HLF: variants seen among roughly 807,000 people sequenced by gnomAD.
HLF encodes hepatic leukemia factor.
Under a neutral mutation model 22.6 loss-of-function variants are expected in HLF, and 3 were observed. The observed-to-expected ratio is 0.13, with a 90% CI of 0.06 to 0.34. HLF has a LOEUF of 0.34. HLF is among the 10% of genes least tolerant of loss of function. HLF has a pLI of 1.00. For missense variants in HLF, 299 were observed against 389.2 expected, an observed-to-expected ratio of 0.77 and a Z score of 1.95; for synonymous variants, 151 against 151.8, an observed-to-expected ratio of 0.99 and a Z score of 0.04.
chr17:55,281,059 C>T (rs1456875794), intron 2 of HLF, among the ~76,000 whole-genome samples: 1 of 152,150 alleles, frequency 6.6e-6, no homozygotes, highest in Non-Finnish European at 1.5e-5. Context: ...ATGTTGTGCA[C>T]TGTACATGTG....
At chr17:55,277,268 T>C (rs1442741480) in intron 2 of HLF, among the ~76,000 whole-genome samples, 2 of 131,188 alleles carry the variant, frequency 1.5e-5, no homozygotes, top group African/African-American at 6.5e-5. Context: ...TGTGTGTGTG[T>C]GTGTGTGCGC....
intron 1 of HLF, 181 bp downstream of exon 1, chr17:55,265,780 C>T: frequency 7.6e-7 from 1 of 1,318,040 alleles, no homozygotes; most frequent in Non-Finnish European, 9.7e-7. Context: ...TCCTCCTCCT[C>T]CATGAAAGGG....
intron 2 of HLF, among the ~76,000 whole-genome samples, chr17:55,307,132 T>G (rs1904611883): frequency 6.9e-6 from 1 of 145,696 alleles, no homozygotes; most frequent in Admixed American, 7.0e-5. Context: ...GGTTGAATGG[T>G]CTCCTCTCAG....
At chr17:55,308,091 A>G (rs906818962) in intron 2 of HLF, among the ~76,000 whole-genome samples, 2 of 152,156 alleles carry the variant, frequency 1.3e-5, no homozygotes, top group African/African-American at 2.4e-5. Flanking sequence ...AGAGCCGTGG[A>G]TCTGATCATA....
chr17:55,317,350 G>A (rs1200027368), intron 3 of HLF, among the ~76,000 whole-genome samples: 1 of 152,182 alleles, frequency 6.6e-6, no homozygotes, highest in African/African-American at 2.4e-5. Context: ...ATGGAGGGTA[G>A]TTTGAAAGGA....
chr17:55,318,280 T>A (rs959346793), intron 3 of HLF, among the ~76,000 whole-genome samples: 3 of 152,144 alleles, frequency 2.0e-5, no homozygotes, highest in African/African-American at 7.2e-5. Context: ...GCTTTTCTAG[T>A]CCAGGACACT....
intron 2 of HLF, among the ~76,000 whole-genome samples, chr17:55,310,256 T>C (rs1235799875): frequency 6.6e-6 from 1 of 152,204 alleles, no homozygotes; most frequent in African/African-American, 2.4e-5. Context: ...AATGTTCCAG[T>C]AACTGCAGAG....
At chr17:55,306,600 T>C (rs935446410) in intron 2 of HLF, among the ~76,000 whole-genome samples, 18 of 143,558 alleles carry the variant, frequency 1.3e-4, no homozygotes, top group African/African-American at 4.0e-4. Context: ...GTATGCATGA[T>C]TTGTTTTTGC....
At position 55,324,919 on chromosome 17, in the gene HLF, A is replaced by G. The variant is rs1376687049; in HGVS notation, c.*4040A>G. ...TCCATTATCCTTTTGGCAACACCAC[A>G]AAGATCGCATCTGTTAAACAGGTAC... is the stretch of plus-strand genomic sequence containing the variant. On this transcript the variant is annotated 3_prime_UTR_variant, in exon 4 of 4. Transcript: ENST00000226067. 4.3e-6 allele frequency: 1 copy of G among 231,658 alleles called. No homozygotes were observed. Among genetic ancestry groups the G allele is most frequent in the African/African-American group, 2.2e-5 (1 of 45,228 alleles). The allele number at this position is 231,658 out of a possible 1,614,324, so 14.4% of individuals were successfully genotyped here.
intron 2 of HLF, among the ~76,000 whole-genome samples, chr17:55,302,490 GT>G (rs758475064): frequency 1.1e-3 from 164 of 152,182 alleles, no homozygotes; most frequent in Non-Finnish European, 2.1e-3. Context: ...CCTTTGTTTT[GT>G]TTCGTTTGGT....
chr17:55,282,710 G>A (rs1303554617), intron 2 of HLF, among the ~76,000 whole-genome samples: 1 of 152,118 alleles, frequency 6.6e-6, no homozygotes, highest in Non-Finnish European at 1.5e-5. Context: ...CTAGCTCTAC[G>A]ACTCTGTGTT....
intron 3 of HLF, among the ~76,000 whole-genome samples, chr17:55,317,472 A>G (rs1236020586): frequency 6.6e-6 from 1 of 152,242 alleles, no homozygotes; most frequent in Non-Finnish European, 1.5e-5. Flanking sequence ...CAAAGAGGCC[A>G]GACAAAAACC....
At chr17:55,282,867 A>G in intron 2 of HLF, among the ~76,000 whole-genome samples, 1 of 152,206 alleles carries the variant, frequency 6.6e-6, no homozygotes, top group East Asian at 1.9e-4. Flanking sequence ...CTCATAAAGG[A>G]TGACAGAGTT....
rs745422651 is a variant in HLF, at chr17:55,320,996, C to T, written c.*117C>T. On this transcript the variant is annotated 3_prime_UTR_variant, in exon 4 of 4. Transcript: ENST00000226067. The surrounding 1 kb of genome is among the most constrained non-coding windows in gnomAD (Gnocchi z 4.2). ...CACTTTACCAGAGGCATAAACACAA[C>T]TGACTCCCATTTTGGTGTGCATCTG... The T allele has an allele frequency of 1.7e-5, 13 of 753,624 alleles. No homozygotes were observed. The highest frequency in any genetic ancestry group is 2.7e-5 in the Non-Finnish European group (12 of 452,164). 46.7% of individuals were successfully genotyped at this position (753,624 alleles called of 1,614,324 possible).
At chr17:55,309,889 A>G (rs1365450382) in intron 2 of HLF, among the ~76,000 whole-genome samples, 1 of 152,244 alleles carries the variant, frequency 6.6e-6, no homozygotes, top group African/African-American at 2.4e-5. Flanking sequence ...TTTGATGCAG[A>G]CATCAATTTA....
intron 2 of HLF, among the ~76,000 whole-genome samples, chr17:55,307,758 A>G (rs1333326091): frequency 2.0e-5 from 3 of 151,514 alleles, no homozygotes; most frequent in East Asian, 1.9e-4. Flanking sequence ...TGGGGCTTAC[A>G]TGGGAGTGGA....
rs999057440 is a variant in HLF, at chr17:55,323,887, T to C, written c.*3008T>C. The C allele has an allele frequency of 4.4e-6, 1 of 229,104 alleles. No homozygotes were observed. Among genetic ancestry groups the C allele is most frequent in the East Asian group, 6.2e-5 (1 of 16,118 alleles). 14.2% of individuals were successfully genotyped at this position (229,104 alleles called of 1,614,324 possible). A position where few individuals can be genotyped will look rare whatever the true frequency, so the allele number is the denominator to read the frequency against. ...GGCCATTAACAATGAATCCAAATCATATCATACTGACATCATCTAGACATG... is the reference window on the plus strand; with the variant it reads ...GGCCATTAACAATGAATCCAAATCACATCATACTGACATCATCTAGACATG... On this transcript the variant is annotated 3_prime_UTR_variant, in exon 4 of 4. Transcript: ENST00000226067.
At chr17:55,319,931 A>G (rs999739769) in intron 3 of HLF, among the ~76,000 whole-genome samples, 1 of 152,216 alleles carries the variant, frequency 6.6e-6, no homozygotes, top group Non-Finnish European at 1.5e-5. Context: ...GGATGAGACC[A>G]TACATATTTG....
chr17:55,306,460 G>A (rs1904553531), intron 2 of HLF, among the ~76,000 whole-genome samples: 1 of 151,936 alleles, frequency 6.6e-6, no homozygotes, highest in African/African-American at 2.4e-5. Context: ...TTTACAATGG[G>A]CCTTTCAGTA....
Sources: gnomAD v4.1 joint callset for allele counts (sites outside exome capture counted in the v4.1 genomes callset) on GRCh38, gnomAD v4.1.1 for gene constraint, Gnocchi (gnomAD v3.1) non-coding constraint, MANE v1.5 for transcripts, NCBI Gene and HGNC (gene_info 2026-07-23, HGNC 2026-07-21) for gene names.